The following PARD3B variants were observed in gnomAD, a reference collection of about 807,000 sequenced individuals.
PARD3B encodes partitioning defective 3 homolog B.
In PARD3B, 103 loss-of-function variants were observed where a neutral mutation model predicts 130.2. The observed-to-expected ratio is 0.79, with a 90% CI of 0.67 to 0.93. The LOEUF is 0.93. PARD3B is among the 40% of genes least tolerant of loss of function. The pLI is 0.00. For synonymous variants in PARD3B, 583 were observed against 553.2 expected (o/e 1.05, Z -0.76); for missense variants, 1,609 against 1,499.2 (o/e 1.07, Z -1.21).
At chr2:205,184,385 C>A (rs890269726) in intron 13 of PARD3B, among the ~76,000 whole-genome samples, 1 of 152,184 alleles carries the variant, frequency 6.6e-6, no homozygotes, top group Non-Finnish European at 1.5e-5. Flanking sequence ...GTAGAACTTA[C>A]AATCTATGGA....
chr2:205,119,358 C>T (rs1266856828), intron 7 of PARD3B, among the ~76,000 whole-genome samples: 1 of 151,968 alleles, frequency 6.6e-6, no homozygotes, highest in Non-Finnish European at 1.5e-5. Flanking sequence ...TATTTAACGG[C>T]TCTTTTCACA....
At chr2:205,096,599 T>G (rs1196122179) in intron 4 of PARD3B, among the ~76,000 whole-genome samples, 1 of 152,172 alleles carries the variant, frequency 6.6e-6, no homozygotes, top group Admixed American at 6.6e-5. Flanking sequence ...AGTTCAGAAC[T>G]GTTTACACTG....
At chr2:204,609,506 A>C (rs1405926489) in intron 1 of PARD3B, among the ~76,000 whole-genome samples, 1 of 152,168 alleles carries the variant, frequency 6.6e-6, no homozygotes, top group Non-Finnish European at 1.5e-5. Context: ...GAAGATGTAC[A>C]TTGGTTTAGC....
intron 2 of PARD3B, among the ~76,000 whole-genome samples, chr2:204,736,358 A>G (rs2039750302): frequency 6.6e-6 from 1 of 151,708 alleles, no homozygotes; most frequent in Non-Finnish European, 1.5e-5. Context: ...GAATTTTGAG[A>G]TTTTAGTGTA....
intron 3 of PARD3B, among the ~76,000 whole-genome samples, chr2:205,014,129 A>T (rs911695189): frequency 3.3e-5 from 5 of 152,228 alleles, no homozygotes; most frequent in Non-Finnish European, 7.3e-5. Context: ...CTTAAATTCA[A>T]TGAAAGTAAG....
intron 1 of PARD3B, among the ~76,000 whole-genome samples, chr2:204,575,794 TG>T (rs1346044913): frequency 6.6e-6 from 1 of 152,240 alleles, no homozygotes; most frequent in African/African-American, 2.4e-5. Context: ...GTTCAGCTTT[TG>T]TGGTCTTGGA....
At chr2:205,247,670 C>G (rs914615224) in intron 16 of PARD3B, among the ~76,000 whole-genome samples, 3 of 152,126 alleles carry the variant, frequency 2.0e-5, no homozygotes, top group Non-Finnish European at 4.4e-5. Flanking sequence ...TACTACTTCA[C>G]GTTTTTCATT....
chr2:205,005,568 T>C (rs1255426757), intron 3 of PARD3B, among the ~76,000 whole-genome samples: 1 of 152,168 alleles, frequency 6.6e-6, no homozygotes, highest in Non-Finnish European at 1.5e-5. Flanking sequence ...TTAAGGTTTG[T>C]ATACTTTTAT....
chr2:204,609,154 T>G (rs535729586), intron 1 of PARD3B, among the ~76,000 whole-genome samples: 2 of 152,328 alleles, frequency 1.3e-5, no homozygotes, highest in South Asian at 4.1e-4. Flanking sequence ...TGGATCTATT[T>G]GGAAAGTTTT....
chr2:205,158,663 G>A lies in PARD3B; in HGVS notation c.1435-59G>A. 1 of 1,480,470 alleles carries A rather than the reference G, an allele frequency of 6.8e-7. No homozygotes were observed. The highest frequency in any genetic ancestry group is 9.3e-7 in the Non-Finnish European group (1 of 1,080,010). 91.7% of individuals were successfully genotyped at this position (1,480,470 alleles called of 1,614,324 possible). A position where few individuals can be genotyped will look rare whatever the true frequency, so the allele number is the denominator to read the frequency against. On this transcript the variant is annotated intron_variant, in intron 10 of 22. Coordinates refer to ENST00000406610, the MANE Select transcript of PARD3B (RefSeq NM_001302769.2). This position sits in a 1 kb window ranked among gnomAD's most constrained non-coding sequence, Gnocchi z 5.4. ...TGCATCTGTGTCTGGTCATCTGAGA[G>A]AGTGAAATATTAATCTGCTTTCTTC... is the stretch of plus-strand genomic sequence containing the variant.
chr2:205,431,789 A>G (rs1386587582), intron 19 of PARD3B, among the ~76,000 whole-genome samples: 1 of 152,120 alleles, frequency 6.6e-6, no homozygotes, highest in Non-Finnish European at 1.5e-5. Context: ...TTAAAATGTG[A>G]TCATGTTTAG....
At chr2:205,096,448 A>G (rs1288129350) in intron 4 of PARD3B, among the ~76,000 whole-genome samples, 1 of 152,162 alleles carries the variant, frequency 6.6e-6, no homozygotes, top group East Asian at 1.9e-4. Flanking sequence ...TTGCAGACAC[A>G]CCAGATGAAG....
At chr2:204,552,381 C>T (rs1367497435) in intron 1 of PARD3B, among the ~76,000 whole-genome samples, 1 of 152,132 alleles carries the variant, frequency 6.6e-6, no homozygotes, top group Admixed American at 6.5e-5. Flanking sequence ...GATGTACATC[C>T]TCTGTCTCTG....
intron 2 of PARD3B, among the ~76,000 whole-genome samples, chr2:204,826,856 C>T (rs1431425721): frequency 1.3e-5 from 2 of 151,922 alleles, no homozygotes; most frequent in Non-Finnish European, 2.9e-5. Context: ...TCTTTCTCTA[C>T]AAAAATTAAA....
At chr2:204,837,570 T>C (rs577591723) in intron 2 of PARD3B, among the ~76,000 whole-genome samples, 4 of 152,036 alleles carry the variant, frequency 2.6e-5, no homozygotes, top group Admixed American at 6.6e-5. Context: ...CAGGCACGTG[T>C]CACCATGCCT....
chr2:204,753,112 T>C lies in PARD3B; in HGVS notation c.222+66830T>C, dbSNP rs73984292. On this transcript the variant is annotated intron_variant, in intron 2 of 22. Coordinates refer to ENST00000406610, the MANE Select transcript of PARD3B (RefSeq NM_001302769.2). ...ACAGAAGGTGTAATGTAAAACACAGTTTTGTCAAAACACTCAGACCATTGG... is the reference window on the plus strand; with the variant it reads ...ACAGAAGGTGTAATGTAAAACACAGCTTTGTCAAAACACTCAGACCATTGG... 8.7e-3 allele frequency among the ~76,000 whole-genome samples: 1,330 copies of C among 152,230 alleles called. 9 individuals are homozygous for C. The highest frequency in any genetic ancestry group is 0.029 in the African/African-American group (1,199 of 41,540).
intron 2 of PARD3B, among the ~76,000 whole-genome samples, chr2:204,719,250 A>G (rs1207140438): frequency 6.6e-6 from 1 of 152,216 alleles, no homozygotes; most frequent in Admixed American, 6.5e-5. Flanking sequence ...TAATGGAATA[A>G]TTATTTCACA....
chr2:205,036,824 G>A (rs184014793), intron 3 of PARD3B, among the ~76,000 whole-genome samples: 411 of 149,484 alleles, frequency 2.7e-3, no homozygotes, highest in African/African-American at 7.8e-3. Flanking sequence ...TATACACAAC[G>A]GACTGTATGT....
chr2:205,320,091 G>A (rs1290395659), intron 18 of PARD3B, among the ~76,000 whole-genome samples: 7 of 151,226 alleles, frequency 4.6e-5, no homozygotes, highest in African/African-American at 1.7e-4. Flanking sequence ...GCTTGAACCC[G>A]GGAGATAGAG....
Sources: gnomAD v4.1 joint callset for allele counts (sites outside exome capture counted in the v4.1 genomes callset) on GRCh38, gnomAD v4.1.1 for gene constraint, Gnocchi (gnomAD v3.1) non-coding constraint, MANE v1.5 for transcripts, NCBI Gene and HGNC (gene_info 2026-07-23, HGNC 2026-07-21) for gene names.